The following MICALL1 variants were observed in gnomAD, a reference collection of about 807,000 sequenced individuals.
MICALL1 encodes the protein MICAL-like protein 1.
Under a neutral mutation model 83.7 loss-of-function variants are expected in MICALL1, and 61 were observed. The observed-to-expected ratio is 0.73, with a 90% CI of 0.59 to 0.90. The LOEUF (loss-of-function observed/expected upper bound fraction) is 0.90, where lower values mean the gene tolerates loss of function less well. Ranked by LOEUF, MICALL1 falls within the 40% of genes least tolerant of loss-of-function variation. The pLI is 0.00. For missense variants in MICALL1, 1,066 were observed against 1,152.0 expected, an observed-to-expected ratio of 0.93 and a Z score of 1.08; for synonymous variants, 481 against 473.6, an observed-to-expected ratio of 1.02 and a Z score of -0.20.
chr22:37,927,889 A>T, intron 9 of MICALL1, 63 bp downstream of exon 9: 1 of 1,496,576 alleles, frequency 6.7e-7, no homozygotes, highest in Non-Finnish European at 8.9e-7. Flanking sequence ...GTCTGGTCTC[A>T]GGGCAGAAAT....
rs1929829578 is a variant in MICALL1, at chr22:37,932,266, CA to C, written c.2017-286del. On this transcript the variant is annotated intron_variant, in intron 10 of 15. Coordinates refer to ENST00000215957, the MANE Select transcript of MICALL1 (RefSeq NM_033386.4). The surrounding 1 kb of genome is among the most constrained non-coding windows in gnomAD (Gnocchi z 4.4). ...TCTGTAATAAGGTCACTCTCACTGA[CA>C]TTGTGATACCCTTTCTGGAGTGGCA... Among the ~76,000 whole-genome samples the C allele has an allele frequency of 6.6e-6, 1 of 152,264 alleles. No homozygotes were observed. Among genetic ancestry groups the C allele is most frequent in the Non-Finnish European group, 1.5e-5 (1 of 68,056 alleles).
intron 1 of MICALL1, among the ~76,000 whole-genome samples, chr22:37,911,312 G>T (rs1928308983): frequency 6.6e-6 from 1 of 152,194 alleles, no homozygotes; most frequent in Admixed American, 6.5e-5. Flanking sequence ...TCTATTCACG[G>T]CCCCATTAAG....
intron 2 of MICALL1, 42 bp downstream of exon 2, chr22:37,912,042 T>TGC: frequency 4.2e-6 from 1 of 235,422 alleles, no homozygotes. Flanking sequence ...GCTCTGTGTA[T>TGC]GTGTGTGTGT....
At chr22:37,931,068 G>T (rs1251786672) in intron 9 of MICALL1, among the ~76,000 whole-genome samples, 1 of 152,208 alleles carries the variant, frequency 6.6e-6, no homozygotes, top group Non-Finnish European at 1.5e-5. Flanking sequence ...CATGGGCAAG[G>T]TTCTAACCAC....
intron 3 of MICALL1, among the ~76,000 whole-genome samples, chr22:37,915,546 G>T (rs192392278): frequency 1.3e-5 from 2 of 152,048 alleles, no homozygotes; most frequent in Non-Finnish European, 2.9e-5. Flanking sequence ...TTTCCCTTTT[G>T]CAGTGAGGAT....
chr22:37,931,571 T>C (rs757920048), intron 9 of MICALL1, among the ~76,000 whole-genome samples: 3 of 151,940 alleles, frequency 2.0e-5, no homozygotes, highest in Non-Finnish European at 4.4e-5. Flanking sequence ...GTGTAAAAAG[T>C]ATCCAGTGCA....
chr22:37,940,144 GCCGAGTGTGGTGGCTCATGC>G (rs571391124), intron 15 of MICALL1, among the ~76,000 whole-genome samples: 35 of 152,044 alleles, frequency 2.3e-4, no homozygotes, highest in African/African-American at 8.4e-4. Flanking sequence ...TGGATTCTAG[GCCGAGTGTGGTGGCTCATGC>G]CTGTAATCCT....
At chr22:37,915,961 T>C (rs1205407264) in intron 3 of MICALL1, among the ~76,000 whole-genome samples, 1 of 152,218 alleles carries the variant, frequency 6.6e-6, no homozygotes, top group Non-Finnish European at 1.5e-5. Context: ...TTAGTATTCT[T>C]ACTACTTCTT....
chr22:37,940,902 C>A lies in MICALL1; in HGVS notation c.*72C>A. The A allele has an allele frequency of 2.5e-6, 4 of 1,578,714 alleles. No individual in the cohort carries two copies. The highest frequency in any genetic ancestry group is 2.6e-6 in the Non-Finnish European group (3 of 1,157,196). On this transcript the variant is annotated 3_prime_UTR_variant, in exon 16 of 16. Transcript: ENST00000215957. ...TGGGCTGTGCTCTGTTTGAAGGGGG[C>A]GCCCTGCTCCCCTCAGATCAGTCAG...
At chr22:37,923,860 CAG>C (rs879744991) in intron 6 of MICALL1, among the ~76,000 whole-genome samples, 19 of 152,104 alleles carry the variant, frequency 1.2e-4, no homozygotes, top group Non-Finnish European at 2.5e-4. Context: ...GGGGAGAGCT[CAG>C]GGGCTTGGGG....
intron 1 of MICALL1, among the ~76,000 whole-genome samples, chr22:37,908,259 C>CATTA (rs1429099260): frequency 1.3e-5 from 2 of 151,640 alleles, no homozygotes; most frequent in African/African-American, 4.8e-5. Flanking sequence ...ATTCATTTAA[C>CATTA]ATTAGTTACT....
intron 13 of MICALL1, 33 bp from the exon 14 acceptor site, chr22:37,937,047 C>A: frequency 6.5e-7 from 1 of 1,528,902 alleles, no homozygotes; most frequent in Non-Finnish European, 8.9e-7. Flanking sequence ...GCTTTCCTAC[C>A]ACTCATGCCC....
In MICALL1 at chr22:37,940,505, G is replaced by C. The variant is rs192027840; in HGVS notation, c.2471-204G>C. ...TTTCCCCAAACACTGGAGGTGGGGA[G>C]GGGGAGGATGGGCCCCATCCTCTAG... On this transcript the variant is annotated intron_variant, in intron 15 of 15. Coordinates refer to ENST00000215957, the MANE Select transcript of MICALL1 (RefSeq NM_033386.4). 2.6e-5 allele frequency among the ~76,000 whole-genome samples: 4 copies of C among 152,260 alleles called. No homozygotes were observed. The East Asian group carries it at 7.7e-4, about 29-fold the overall frequency.
chr22:37,910,331 C>G (rs992214720), intron 1 of MICALL1, among the ~76,000 whole-genome samples: 7 of 152,082 alleles, frequency 4.6e-5, no homozygotes, highest in East Asian at 1.9e-4. Flanking sequence ...TGACCCCAGC[C>G]TTCTTGGAAC....
chr22:37,933,192 A>G, intron 13 of MICALL1, 80 bp downstream of exon 13: 2 of 1,433,910 alleles, frequency 1.4e-6, no homozygotes, highest in Non-Finnish European at 1.9e-6. Flanking sequence ...GGGCAGACAA[A>G]ACCCCAGTAG....
rs937739890 is a variant in MICALL1 at position 37,926,039 on chromosome 22, A to G, written c.1461A>G (p.Pro487=). 16 of 1,590,544 alleles carry G rather than the reference A, an allele frequency of 1.0e-5. No homozygotes were observed. The highest frequency in any genetic ancestry group is 1.4e-5 in the Non-Finnish European group (16 of 1,166,130). The part of the protein sequence containing the change: ...RPAPRAPSAS[P]LALHASRLSH... ...CCCCGCGCGCACCCAGCGCGTCCCC[A>G]CTGGGTGAGTGCCTTTCCTGGAGCT... Residue 487 remains proline, a synonymous_variant, in exon 8 of 16, where the codon CCA becomes CCG. Coordinates refer to ENST00000215957, the MANE Select transcript of MICALL1 (RefSeq NM_033386.4).
chr22:37,917,731 G>A lies in MICALL1; in HGVS notation c.362G>A (p.Gly121Asp). Residue 121 changes from glycine to aspartate, a missense_variant, in exon 4 of 16, where the codon GGC (glycine) becomes GAC (aspartate). Transcript: ENST00000215957. Reference protein sequence around the residue: ...GQAGVSPPRKGLAPCSPPSVA... With the variant: ...GQAGVSPPRKDLAPCSPPSVA... ...GCTGGTGTCTCGCCACCCAGAAAGG[G>A]CCTTGCACCCTGTTCCCCGCCGTCT... The A allele has an allele frequency of 1.9e-6, 3 of 1,613,920 alleles. No homozygotes were observed. The highest frequency in any genetic ancestry group is 2.5e-6 in the Non-Finnish European group (3 of 1,179,892).
intron 8 of MICALL1, 67 bp downstream of exon 8, chr22:37,926,110 G>T (rs1478746671): frequency 6.7e-7 from 1 of 1,490,222 alleles, no homozygotes; most frequent in South Asian, 1.3e-5. Flanking sequence ...CCTGGGGAGG[G>T]GGTGTGGTGG....
Position 37,919,247 on chromosome 22 carries a change from G to C in MICALL1, c.569+69G>C. On this transcript the variant is annotated intron_variant, in intron 5 of 15. Coordinates refer to ENST00000215957, the MANE Select transcript of MICALL1 (RefSeq NM_033386.4). ...GGCTACCGTGGGTTCAGCACACACA[G>C]TGCGCCAGGCACCTTGCCAGGCCCT... is the stretch of plus-strand genomic sequence containing the variant. The C allele has an allele frequency of 2.1e-6, 3 of 1,418,636 alleles. No homozygotes were observed. The South Asian group carries it at 4.6e-5, about 22-fold the overall frequency. 87.9% of individuals were successfully genotyped at this position (1,418,636 alleles called of 1,614,324 possible).
Sources: gnomAD v4.1 joint callset for allele counts (sites outside exome capture counted in the v4.1 genomes callset) on GRCh38, gnomAD v4.1.1 for gene constraint, Gnocchi (gnomAD v3.1) non-coding constraint, MANE v1.5 for transcripts, NCBI Gene and HGNC (gene_info 2026-07-23, HGNC 2026-07-21) for gene names.